FSTL5: variants seen among roughly 807,000 people sequenced by gnomAD.
FSTL5 encodes follistatin-related protein 5.
In FSTL5, 62 loss-of-function variants were observed where a neutral mutation model predicts 89.1. That is an observed-to-expected ratio of 0.70 (90% CI 0.57 to 0.86). FSTL5 has a LOEUF of 0.86. Among genes scored for constraint, FSTL5 ranks in the 40% least tolerant of loss-of-function variants. The pLI is 0.00. For missense variants in FSTL5, 1,057 were observed against 1,001.6 expected (o/e 1.06, Z -0.75); for synonymous variants, 383 against 346.2 (o/e 1.11, Z -1.18).
chr4:161,675,978 G>T (rs1006368669), intron 6 of FSTL5, among the ~76,000 whole-genome samples: 10 of 152,046 alleles, frequency 6.6e-5, no homozygotes, highest in African/African-American at 2.4e-4. Flanking sequence ...TGATACAATT[G>T]TAGGAAACGA....
At chr4:161,535,780 T>C (rs557558773) in intron 10 of FSTL5, among the ~76,000 whole-genome samples, 4 of 152,186 alleles carry the variant, frequency 2.6e-5, no homozygotes, top group Non-Finnish European at 5.9e-5. Context: ...AACAGACACA[T>C]GCACTTGCAT....
At chr4:161,793,442 T>C (rs1209251191) in intron 4 of FSTL5, among the ~76,000 whole-genome samples, 3 of 152,228 alleles carry the variant, frequency 2.0e-5, no homozygotes, top group Non-Finnish European at 2.9e-5. Flanking sequence ...TAATATTTTA[T>C]GTAAATTCAG....
At chr4:161,404,994 G>T (rs1295244340) in intron 15 of FSTL5, among the ~76,000 whole-genome samples, 4 of 152,170 alleles carry the variant, frequency 2.6e-5, no homozygotes, top group African/African-American at 9.7e-5. Context: ...ACTTTGGGAG[G>T]CCGAGGTGAG....
intron 4 of FSTL5, among the ~76,000 whole-genome samples, chr4:161,831,591 A>T (rs980198452): frequency 1.3e-5 from 2 of 151,968 alleles, no homozygotes; most frequent in Non-Finnish European, 1.5e-5. Context: ...AAAGTGTTAC[A>T]TTATATGTAT....
At chr4:161,567,900 A>T (rs1051944175) in intron 8 of FSTL5, among the ~76,000 whole-genome samples, 7 of 151,946 alleles carry the variant, frequency 4.6e-5, no homozygotes, top group South Asian at 2.1e-4. Context: ...CGATCTTCCC[A>T]TTTGGTCAAA....
At chr4:162,093,862 T>A (rs1730646251) in intron 2 of FSTL5, among the ~76,000 whole-genome samples, 1 of 152,082 alleles carries the variant, frequency 6.6e-6, no homozygotes, top group Non-Finnish European at 1.5e-5. Context: ...ATAGGAAATT[T>A]TAGAGAGTCA....
rs556452123 is a variant in FSTL5, at chr4:161,964,199, T to C, written c.161-43547A>G. ...TTTATTGTAATATTAAGAATGTCTCTGAGAGTATGTTCTGGATTGGCAGTC... is the reference window on the plus strand; with the variant it reads ...TTTATTGTAATATTAAGAATGTCTCCGAGAGTATGTTCTGGATTGGCAGTC... On this transcript the variant is annotated intron_variant, in intron 3 of 15. Coordinates refer to ENST00000306100, the MANE Select transcript of FSTL5 (RefSeq NM_020116.5). Among the ~76,000 whole-genome samples the C allele has an allele frequency of 2.6e-5, 4 of 152,106 alleles. No individual in the cohort carries two copies. In the South Asian group the frequency reaches 8.3e-4, roughly 32 times the overall value.
At chr4:161,732,277 C>A (rs1339652991) in intron 6 of FSTL5, among the ~76,000 whole-genome samples, 1 of 151,956 alleles carries the variant, frequency 6.6e-6, no homozygotes. Context: ...TTGTCATATG[C>A]ACATTTTTTA....
chr4:161,548,847 G>A (rs1250909884), intron 8 of FSTL5, among the ~76,000 whole-genome samples: 3 of 151,788 alleles, frequency 2.0e-5, no homozygotes, highest in Admixed American at 6.6e-5. Context: ...AATTTTTGAG[G>A]TTAGATGAGA....
chr4:161,684,300 G>T (rs1327798094), intron 6 of FSTL5, among the ~76,000 whole-genome samples: 1 of 152,154 alleles, frequency 6.6e-6, no homozygotes, highest in Non-Finnish European at 1.5e-5. Flanking sequence ...CCAGTAGTGG[G>T]ATTGCTGGAT....
chr4:162,139,539 T>C (rs1049315390), intron 1 of FSTL5, among the ~76,000 whole-genome samples: 1 of 151,898 alleles, frequency 6.6e-6, no homozygotes, highest in African/African-American at 2.4e-5. Context: ...TACATAAAAT[T>C]TTACCTTTTT....
At chr4:161,573,412 CAAAAA>C (rs59381258) in intron 8 of FSTL5, among the ~76,000 whole-genome samples, 28,254 of 119,844 alleles carry the variant, frequency 0.24, 2,974 homozygotes, top group Non-Finnish European at 0.25. Context: ...AAAACCCTGT[CAAAAA>C]AAAAAAAAAA....
intron 6 of FSTL5, among the ~76,000 whole-genome samples, chr4:161,738,653 A>C (rs1739901781): frequency 6.6e-6 from 1 of 152,160 alleles, no homozygotes; most frequent in Non-Finnish European, 1.5e-5. Context: ...AAAAGGAGAC[A>C]CCTAGCTGAA....
At chr4:161,714,401 C>G (rs7693232) in intron 6 of FSTL5, among the ~76,000 whole-genome samples, 11,481 of 151,998 alleles carry the variant, frequency 0.076, 701 homozygotes, top group African/African-American at 0.17. Context: ...CTATTTTCTA[C>G]TTAATATACA....
intron 3 of FSTL5, among the ~76,000 whole-genome samples, chr4:161,945,604 T>C (rs914973878): frequency 3.9e-5 from 6 of 152,078 alleles, no homozygotes; most frequent in African/African-American, 1.4e-4. Flanking sequence ...ATACAAAAAT[T>C]AGCCGGGCGT....
At chr4:162,159,355 A>G (rs922366144) in intron 1 of FSTL5, among the ~76,000 whole-genome samples, 1 of 152,046 alleles carries the variant, frequency 6.6e-6, no homozygotes. Flanking sequence ...ATACAACTCA[A>G]TGAAGAAGTA....
chr4:162,026,304 C>CTTTTTTTTCTTTTTTTTTTTTTTT (rs777176706), intron 3 of FSTL5, among the ~76,000 whole-genome samples: 2 of 79,474 alleles, frequency 2.5e-5, no homozygotes, highest in Non-Finnish European at 4.4e-5. Context: ...TATGTATTTT[C>CTTTTTTTTCTTTTTTTTTTTTTTT]TTTTTTTTTT....
At chr4:161,646,138 A>G (rs936164184) in intron 7 of FSTL5, among the ~76,000 whole-genome samples, 1 of 148,482 alleles carries the variant, frequency 6.7e-6, no homozygotes, top group Admixed American at 6.7e-5. Context: ...AAGGGGCAAA[A>G]ACCCTTTCTC....
At chr4:161,854,194 A>G (rs1215411560) in intron 4 of FSTL5, among the ~76,000 whole-genome samples, 1 of 152,166 alleles carries the variant, frequency 6.6e-6, no homozygotes, top group Non-Finnish European at 1.5e-5. Flanking sequence ...TCTGGTGATG[A>G]GCTGATCGGG....
Sources: allele counts gnomAD v4.1 joint callset (sites outside exome capture counted in the v4.1 genomes callset), GRCh38; gene constraint gnomAD v4.1.1; transcripts MANE v1.5; gene names NCBI Gene and HGNC (gene_info 2026-07-23, HGNC 2026-07-21).